Variants in CYFIP1 observed in about 807,000 individuals in gnomAD.
CYFIP1 encodes the protein cytoplasmic FMR1-interacting protein 1.
A neutral mutation model predicts 163.5 loss-of-function variants in CYFIP1; 58 were observed. The ratio of observed to expected loss-of-function variants is 0.35; its 90% CI spans 0.29 to 0.44. The LOEUF (loss-of-function observed/expected upper bound fraction) is 0.44. CYFIP1 is among the 20% of genes least tolerant of loss of function. The pLI is 1.00. For synonymous variants in CYFIP1, 663 were observed against 660.7 expected (o/e 1.00, Z -0.05); for missense variants, 1,338 against 1,653.8 (o/e 0.81, Z 3.31).
At chr15:22,883,154 TG>T in intron 23 of CYFIP1, 143 bp from the exon 24 acceptor site, 1 of 898,392 alleles carries the variant, frequency 1.1e-6, no homozygotes, top group Non-Finnish European at 1.6e-6. Context: ...TGCCCTTAAC[TG>T]GTACAGTTAC....
At chr15:22,922,801 G>A (rs1470822383) in intron 13 of CYFIP1, among the ~76,000 whole-genome samples, 4 of 152,162 alleles carry the variant, frequency 2.6e-5, no homozygotes, top group Non-Finnish European at 5.9e-5. Context: ...GGACCAGCCT[G>A]GCCAACATGG....
chr15:22,946,938 T>C (rs1567014791), intron 3 of CYFIP1, 65 bp downstream of exon 3: 8 of 1,376,602 alleles, frequency 5.8e-6, no homozygotes, highest in Non-Finnish European at 8.3e-6. Flanking sequence ...TACCAAAAAG[T>C]ATACATCTGT....
chr15:22,881,713 G>T, intron 25 of CYFIP1, 133 bp downstream of exon 25: 1 of 800,898 alleles, frequency 1.2e-6, no homozygotes, highest in Non-Finnish European at 2.0e-6. Context: ...CCTCTTCCTG[G>T]TTGTAAGGTG....
intron 9 of CYFIP1, 152 bp downstream of exon 9, chr15:22,936,952 C>A: frequency 1.6e-6 from 1 of 622,314 alleles, no homozygotes; most frequent in Non-Finnish European, 2.8e-6. Flanking sequence ...AAAGCGCGGT[C>A]ACCTCTGCAG....
intron 1 of CYFIP1, among the ~76,000 whole-genome samples, chr15:22,963,906 G>C (rs1472547357): frequency 2.0e-5 from 3 of 152,106 alleles, no homozygotes; most frequent in African/African-American, 7.2e-5. Flanking sequence ...TCAGCCCCGG[G>C]AATAAACATC....
rs139040424 is a variant in CYFIP1 at position 22,934,148 on chromosome 15, TA to T, written c.901-256del. On this transcript the variant is annotated intron_variant, in intron 9 of 30. Transcript: ENST00000617928. Reference sequence around the variant, plus strand: ...TACCATGTTGCTAGATCCACAGTCATAAAAAAAAAAAAATCACTGCATTTCT... The same window carrying T: ...TACCATGTTGCTAGATCCACAGTCATAAAAAAAAAAAATCACTGCATTTCT... Among the ~76,000 whole-genome samples, 328 of 113,780 alleles carry T rather than the reference TA, an allele frequency of 2.9e-3. 1 individual carries two copies. Among genetic ancestry groups the T allele is most frequent in the African/African-American group, 4.1e-3 (122 of 29,886 alleles). 74.6% of individuals were successfully genotyped at this position (113,780 alleles called of 152,430 possible).
intron 1 of CYFIP1, among the ~76,000 whole-genome samples, chr15:22,961,448 A>T (rs1255152062): frequency 6.6e-6 from 1 of 152,156 alleles, no homozygotes; most frequent in Non-Finnish European, 1.5e-5. Flanking sequence ...GTGTGATAAC[A>T]GCTTACTGCA....
intron 20 of CYFIP1, 29 bp from the exon 21 acceptor site, chr15:22,909,342 A>G (rs1428547285): frequency 4.3e-6 from 7 of 1,612,668 alleles, no homozygotes; most frequent in East Asian, 4.5e-5. Context: ...GATGGCAGGT[A>G]AAGAGTGGAC....
At position 22,917,151 on chromosome 15, in the gene CYFIP1, A is replaced by G; in HGVS notation, c.1675-521T>C. 2.1e-6 allele frequency: 3 copies of G among 1,441,874 alleles called. No homozygotes were observed. The highest frequency in any genetic ancestry group is 9.1e-7 in the Non-Finnish European group (1 of 1,104,420). 89.3% of individuals were successfully genotyped at this position (1,441,874 alleles called of 1,614,324 possible). A position where few individuals can be genotyped will look rare whatever the true frequency, so the allele number is the denominator to read the frequency against. ...GCAGGGAGGGTGGCTGGCACCACGC[A>G]CAGGCCGAGGGCCGTCCCCCTGACC... On this transcript the variant is annotated intron_variant, in intron 15 of 30. Transcript: ENST00000617928. The surrounding 1 kb of genome is among the most constrained non-coding windows in gnomAD (Gnocchi z 4.2).
At chr15:22,939,045 C>T (rs2061808869) in intron 8 of CYFIP1, 147 bp downstream of exon 8, 3 of 915,990 alleles carry the variant, frequency 3.3e-6, no homozygotes, top group South Asian at 1.6e-5. Context: ...GTTGTGCAGG[C>T]TGTGTGCAAG....
chr15:22,973,810 A>G (rs965790868), intron 1 of CYFIP1, among the ~76,000 whole-genome samples: 4 of 152,218 alleles, frequency 2.6e-5, no homozygotes, highest in African/African-American at 9.6e-5. Flanking sequence ...CCATATAACT[A>G]ATAAGGGATT....
intron 1 of CYFIP1, among the ~76,000 whole-genome samples, chr15:22,969,570 C>T (rs1462117703): frequency 1.3e-5 from 2 of 152,160 alleles, no homozygotes; most frequent in Non-Finnish European, 2.9e-5. Context: ...TATTAGAAAT[C>T]AGGCCGGAGC....
chr15:22,946,235 T>C (rs527506925), intron 3 of CYFIP1, among the ~76,000 whole-genome samples: 22 of 146,672 alleles, frequency 1.5e-4, no homozygotes, highest in African/African-American at 5.3e-4. Context: ...ACCCGGGAGG[T>C]TGAGGCTGCA....
At position 22,944,609 on chromosome 15, in the gene CYFIP1, C is replaced by T; in HGVS notation, c.336G>A (p.Val112=). 1.2e-6 allele frequency: 2 copies of T among 1,613,918 alleles called. No individual in the cohort carries two copies. Among genetic ancestry groups the T allele is most frequent in the Non-Finnish European group, 8.5e-7 (1 of 1,179,874 alleles). Residue 112 remains valine, a synonymous_variant, in exon 5 of 31, where the codon GTG becomes GTA. Transcript: ENST00000617928. The part of the protein sequence containing the change: ...PNRVEIYEKT[V]EVLEPEVTKL... ...TTGTGACCTCAGGCTCCAGAACCTC[C>T]ACGGTTTTCTCGTAGATTTCCACTC... is the stretch of plus-strand genomic sequence containing the variant.
chr15:22,876,125 A>T (rs1003773553), intron 26 of CYFIP1, among the ~76,000 whole-genome samples: 5 of 151,914 alleles, frequency 3.3e-5, no homozygotes, highest in African/African-American at 1.2e-4. Context: ...CTGAAATCTT[A>T]AAGTCCCATA....
chr15:22,884,912 G>A (rs148647111), intron 23 of CYFIP1, among the ~76,000 whole-genome samples: 3 of 138,542 alleles, frequency 2.2e-5, no homozygotes, highest in East Asian at 2.5e-4. Flanking sequence ...CCCTTTTAGC[G>A]ACCAGGAAGC....
rs138720932 is a variant in CYFIP1 at position 22,918,718 on chromosome 15, G to C, written c.1500C>G (p.Ile500Met). 6.2e-7 allele frequency: 1 copy of C among 1,607,810 alleles called. No homozygotes were observed. Among genetic ancestry groups the C allele is most frequent in the Non-Finnish European group, 8.5e-7 (1 of 1,177,278 alleles). Residue 500 changes from isoleucine (I) to methionine (M), a missense_variant, in exon 14 of 31, where the codon ATC (isoleucine) becomes ATG (methionine). By Grantham distance (10) the Ile-to-Met change is conservative. This residue lies in a region of CYFIP1 where 824 missense variants were observed against 995.7 expected (regional missense o/e 0.83). Coordinates refer to ENST00000617928, the MANE Select transcript of CYFIP1 (RefSeq NM_014608.6). ...TCTGGATGACGTTCTTCTTCTTCTT[G>C]ATGGCCTGCCGCAGCGGCTCCCTAA... Reference protein sequence around the residue: ...VTLREPLRQAIKKKKNVIQSV... With the variant: ...VTLREPLRQAMKKKKNVIQSV...
chr15:22,980,232 G>A (rs2063439531), intron 1 of CYFIP1, 55 bp downstream of exon 1: 1 of 151,606 alleles, frequency 6.6e-6, no homozygotes, highest in Non-Finnish European at 1.5e-5. Flanking sequence ...GTTCCGAGGG[G>A]GACCCGGACC....
chr15:22,888,127 T>C (rs1236436631), intron 23 of CYFIP1, among the ~76,000 whole-genome samples: 1 of 152,198 alleles, frequency 6.6e-6, no homozygotes, highest in Non-Finnish European at 1.5e-5. Flanking sequence ...ATTGCATAAA[T>C]GGGTCCCTCA....
Sources: allele counts gnomAD v4.1 joint callset (sites outside exome capture counted in the v4.1 genomes callset), GRCh38; gene constraint gnomAD v4.1.1; regional missense constraint gnomAD v4.1.1; non-coding constraint Gnocchi (gnomAD v3.1); transcripts MANE v1.5; gene names NCBI Gene and HGNC (gene_info 2026-07-23, HGNC 2026-07-21).